QKI: variants seen among roughly 807,000 people sequenced by gnomAD.
The protein encoded by QKI is QKI, KH domain containing RNA binding.
Under a neutral mutation model 39.0 loss-of-function variants are expected in QKI, and 10 were observed. The ratio of observed to expected loss-of-function variants is 0.26; its 90% CI spans 0.16 to 0.43. The LOEUF (loss-of-function observed/expected upper bound fraction) is 0.43. Ranked by LOEUF, QKI falls within the 20% of genes least tolerant of loss-of-function variation. The pLI is 1.00. For missense variants in QKI, 218 were observed against 428.0 expected (o/e 0.51, Z 4.33); for synonymous variants, 204 against 155.4 (o/e 1.31, Z -2.33).
intron 2 of QKI, among the ~76,000 whole-genome samples, chr6:163,473,865 C>T (rs116476179): frequency 2.2e-4 from 34 of 151,590 alleles, no homozygotes; most frequent in South Asian, 8.3e-4. Context: ...AAACCTGAGA[C>T]GTGTATTATG....
chr6:163,547,888 G>A (rs1237242936), intron 4 of QKI, among the ~76,000 whole-genome samples: 1 of 152,020 alleles, frequency 6.6e-6, no homozygotes, highest in Non-Finnish European at 1.5e-5. Flanking sequence ...CACACTCCTT[G>A]TTGTAGGTTT....
At chr6:163,486,412 A>G (rs1777682937) in intron 3 of QKI, among the ~76,000 whole-genome samples, 1 of 152,202 alleles carries the variant, frequency 6.6e-6, no homozygotes, top group Non-Finnish European at 1.5e-5. Flanking sequence ...GACTTACGAA[A>G]TGTTATTAGA....
At chr6:163,527,137 T>G (rs1780568342) in intron 3 of QKI, among the ~76,000 whole-genome samples, 1 of 152,204 alleles carries the variant, frequency 6.6e-6, no homozygotes, top group South Asian at 2.1e-4. Context: ...ATCCTAGTCT[T>G]CATACTTTAT....
At chr6:163,463,340 A>G (rs965165044) in intron 2 of QKI, among the ~76,000 whole-genome samples, 4 of 152,160 alleles carry the variant, frequency 2.6e-5, no homozygotes, top group Admixed American at 1.3e-4. Context: ...TGGTAGTGGT[A>G]AGCACTGTGC....
chr6:163,478,040 T>C (rs1241471348), intron 2 of QKI, among the ~76,000 whole-genome samples: 1 of 152,240 alleles, frequency 6.6e-6, no homozygotes, highest in East Asian at 1.9e-4. Context: ...GAGGAAAATT[T>C]ACTTTTCACG....
intron 2 of QKI, among the ~76,000 whole-genome samples, chr6:163,461,910 C>T (rs1460789527): frequency 6.6e-6 from 1 of 152,088 alleles, no homozygotes; most frequent in Non-Finnish European, 1.5e-5. Context: ...ATTTCAGTTC[C>T]TGTTTATAAG....
chr6:163,505,169 G>A (rs1779016744), intron 3 of QKI, among the ~76,000 whole-genome samples: 1 of 152,156 alleles, frequency 6.6e-6, no homozygotes, highest in Non-Finnish European at 1.5e-5. Context: ...TCTTTGCCTA[G>A]ATTTCAGAGA....
chr6:163,576,386 G>A lies in QKI; in HGVS notation c.*5676G>A, dbSNP rs2128254760. 1 of 152,260 alleles carries A rather than the reference G, an allele frequency of 6.6e-6. No individual in the cohort carries two copies. Among genetic ancestry groups the A allele is most frequent in the South Asian group, 2.1e-4 (1 of 4,820 alleles). The allele number at this position is 152,260 out of a possible 1,614,324, so 9.4% of individuals were successfully genotyped here. A position where few individuals can be genotyped will look rare whatever the true frequency, so the allele number is the denominator to read the frequency against. ...TGCAGCAAAGGGCAGCCACAGTGTT[G>A]ATTCCACATTATAATGTTGTTGCCT... is the stretch of plus-strand genomic sequence containing the variant. On this transcript the variant is annotated 3_prime_UTR_variant, in exon 8 of 8. Coordinates refer to ENST00000361752, the MANE Select transcript of QKI (RefSeq NM_006775.3).
intron 3 of QKI, among the ~76,000 whole-genome samples, chr6:163,521,945 A>G (rs1030895480): frequency 4.6e-5 from 7 of 152,150 alleles, no homozygotes; most frequent in Non-Finnish European, 1.5e-5. Context: ...TAATATAATG[A>G]CAGAAAGGAC....
chr6:163,465,476 A>C (rs907366721), intron 2 of QKI, among the ~76,000 whole-genome samples: 55 of 151,726 alleles, frequency 3.6e-4, no homozygotes, highest in African/African-American at 1.3e-3. Flanking sequence ...AAAAATACAA[A>C]AATTCACCAG....
chr6:163,493,602 C>A (rs1227677067), intron 3 of QKI, among the ~76,000 whole-genome samples: 3 of 152,052 alleles, frequency 2.0e-5, no homozygotes, highest in Non-Finnish European at 2.9e-5. Context: ...GCTTGTAATT[C>A]CAGCACTATA....
At chr6:163,458,695 G>T (rs924391067) in intron 2 of QKI, among the ~76,000 whole-genome samples, 1 of 152,086 alleles carries the variant, frequency 6.6e-6, no homozygotes, top group African/African-American at 2.4e-5. Flanking sequence ...ATAGTCTGTA[G>T]CCCTTTGCAA....
intron 4 of QKI, among the ~76,000 whole-genome samples, chr6:163,558,103 T>C (rs1299430106): frequency 6.6e-6 from 1 of 152,202 alleles, no homozygotes; most frequent in African/African-American, 2.4e-5. Context: ...GGAGTTGACA[T>C]GTACAACTTC....
chr6:163,558,659 A>G (rs1782803414), intron 4 of QKI, among the ~76,000 whole-genome samples: 1 of 152,040 alleles, frequency 6.6e-6, no homozygotes, highest in South Asian at 2.1e-4. Context: ...TCAGCCTCCC[A>G]AAGTGTTGGG....
intron 3 of QKI, among the ~76,000 whole-genome samples, chr6:163,505,087 C>A (rs751658354): frequency 1.1e-4 from 17 of 152,134 alleles, no homozygotes; most frequent in Non-Finnish European, 2.2e-4. Context: ...GGACACAAGC[C>A]CCAAGCCTTG....
Position 163,578,032 on chromosome 6 carries a change from AT to A in QKI, c.*7323del, listed in dbSNP as rs1406217033. 1.3e-5 allele frequency: 2 copies of A among 152,320 alleles called. No individual in the cohort carries two copies. Among genetic ancestry groups the A allele is most frequent in the Admixed American group, 6.5e-5 (1 of 15,296 alleles). 9.4% of individuals were successfully genotyped at this position (152,320 alleles called of 1,614,324 possible). On this transcript the variant is annotated 3_prime_UTR_variant, in exon 8 of 8. Coordinates refer to ENST00000361752, the MANE Select transcript of QKI (RefSeq NM_006775.3). ...TTTGGCATCATATCTTCCCCAAAAA[AT>A]GTTTATTAAAATTAGATTATTCCAG...
chr6:163,503,312 G>C (rs1055901994), intron 3 of QKI, among the ~76,000 whole-genome samples: 1 of 151,950 alleles, frequency 6.6e-6, no homozygotes, highest in Non-Finnish European at 1.5e-5. Flanking sequence ...AAAGATGTGG[G>C]TCTAATTTCA....
At chr6:163,517,282 A>G (rs1779889093) in intron 3 of QKI, among the ~76,000 whole-genome samples, 1 of 152,182 alleles carries the variant, frequency 6.6e-6, no homozygotes, top group South Asian at 2.1e-4. Flanking sequence ...CCCTCTTTTA[A>G]AGACTTCTAA....
At chr6:163,535,525 A>AT (rs34841140) in intron 4 of QKI, among the ~76,000 whole-genome samples, 15 of 148,710 alleles carry the variant, frequency 1.0e-4, no homozygotes, top group South Asian at 2.1e-4. Flanking sequence ...CCAGAGTATA[A>AT]TTTTTTTTTT....
Sources: allele counts gnomAD v4.1 joint callset (sites outside exome capture counted in the v4.1 genomes callset), GRCh38; gene constraint gnomAD v4.1.1; transcripts MANE v1.5; gene names NCBI Gene and HGNC (gene_info 2026-07-23, HGNC 2026-07-21).